Variants in PCDHGB2 observed in about 807,000 individuals in gnomAD.
PCDHGB2 encodes the protein protocadherin gamma-B2.
PCDHGB2 carries 55 observed loss-of-function variants against 59.3 expected under a neutral mutation model. That is an observed-to-expected ratio of 0.93 (90% CI 0.75 to 1.16). PCDHGB2 has a LOEUF of 1.16. Ranked by LOEUF, PCDHGB2 falls within the 50% of genes most tolerant of loss-of-function variation. The pLI is 0.00. For synonymous variants in PCDHGB2, 516 were observed against 512.0 expected, an observed-to-expected ratio of 1.01 and a Z score of -0.11; for missense variants, 1,228 against 1,198.5, an observed-to-expected ratio of 1.02 and a Z score of -0.36.
intron 1 of PCDHGB2, chr5:141,374,138 C>G: frequency 6.2e-7 from 1 of 1,608,824 alleles, no homozygotes; most frequent in Non-Finnish European, 8.5e-7. Context: ...GCTCCTCACG[C>G]TCCTGGGGAC....
intron 1 of PCDHGB2, chr5:141,478,265 G>A: frequency 6.2e-7 from 1 of 1,614,196 alleles, no homozygotes; most frequent in African/African-American, 1.3e-5. Context: ...CATATTCAAA[G>A]TTTACAAGTG....
chr5:141,405,459 A>T, intron 1 of PCDHGB2: 2 of 1,229,452 alleles, frequency 1.6e-6, no homozygotes, highest in Non-Finnish European at 2.3e-6. Flanking sequence ...TTACTCTGTT[A>T]CCCAGGCTGG....
At chr5:141,366,782 G>T in intron 1 of PCDHGB2, 4 of 1,580,298 alleles carry the variant, frequency 2.5e-6, no homozygotes, top group South Asian at 1.2e-5. Flanking sequence ...AGGATGACCA[G>T]AACATTTTCA....
intron 1 of PCDHGB2, chr5:141,366,694 C>T: frequency 1.2e-6 from 2 of 1,614,214 alleles, no homozygotes; most frequent in Non-Finnish European, 1.7e-6. Flanking sequence ...GTGAGAAAAG[C>T]GAGCCTCTTC....
Position 141,361,940 on chromosome 5 carries a change from C to T in PCDHGB2, c.1805C>T (p.Ala602Val), listed in dbSNP as rs1561525180. 1.2e-6 allele frequency: 2 copies of T among 1,605,414 alleles called. No individual in the cohort carries two copies. Among genetic ancestry groups the T allele is most frequent in the Non-Finnish European group, 1.7e-6 (2 of 1,178,092 alleles). The change falls in exon 1 of 4, where the codon GCT (alanine) becomes GTT (valine). Residue 602 changes from alanine (A) to valine (V), a missense_variant. Physicochemically the swap from Ala to Val is moderately conservative, Grantham distance 64. Around this residue, in one of 3 missense-constraint regions of PCDHGB2, gnomAD observed 433 missense variants for 441.8 expected, o/e 0.98. Coordinates refer to ENST00000522605, the MANE Select transcript of PCDHGB2 (RefSeq NM_018923.3). ...VAVDADSGHN[A>V]WLSYHVLQAS... The stretch of plus-strand genomic sequence containing the variant: ...GTGGACGCAGACTCAGGACACAACG[C>T]TTGGCTGTCCTACCACGTGCTGCAG...
chr5:141,476,382 A>G lies in PCDHGB2; in HGVS notation c.2422-18425A>G, dbSNP rs777831089. ...CGGGAGACCGGAGAGATGTTTGTGA[A>G]CGACCGTCTGGATCGAGAGGAGCTG... On this transcript the variant is annotated intron_variant, in intron 1 of 3. Transcript: ENST00000522605. This position sits in a 1 kb window ranked among gnomAD's most constrained non-coding sequence, Gnocchi z 7.6. 3.7e-6 allele frequency: 6 copies of G among 1,613,866 alleles called. No individual in the cohort carries two copies. The East Asian group carries it at 1.3e-4, about 36-fold the overall frequency.
rs1348847945 is a variant in PCDHGB2, at chr5:141,493,426, C to G, written c.2422-1381C>G. ...TGCCTCTGCTGGGATTTTGCTTCTG[C>G]TGGGATGGGGCAAGGGTGGGGTTCC... On this transcript the variant is annotated intron_variant, in intron 1 of 3. Transcript: ENST00000522605. The surrounding 1 kb of genome is among the most constrained non-coding windows in gnomAD (Gnocchi z 4.3). Among the ~76,000 whole-genome samples, 2 of 152,144 alleles carry G rather than the reference C, an allele frequency of 1.3e-5. No homozygotes were observed. The highest frequency in any genetic ancestry group is 4.8e-5 in the African/African-American group (2 of 41,424).
intron 1 of PCDHGB2, chr5:141,419,265 C>G: frequency 6.2e-7 from 1 of 1,614,040 alleles, no homozygotes; most frequent in Non-Finnish European, 8.5e-7. Context: ...CAGCCGGGTG[C>G]CTCCATAGCG....
At chr5:141,481,592 C>T (rs765060653) in intron 1 of PCDHGB2, among the ~76,000 whole-genome samples, 2 of 152,112 alleles carry the variant, frequency 1.3e-5, no homozygotes, top group East Asian at 1.9e-4. Context: ...CTGAGGCCAG[C>T]GGATCACCTG....
At chr5:141,427,880 C>G in intron 1 of PCDHGB2, 5 of 1,563,170 alleles carry the variant, frequency 3.2e-6, no homozygotes, top group Non-Finnish European at 3.5e-6. Context: ...CGATGCAGGC[C>G]CACGACCAGG....
Position 141,477,209 on chromosome 5 carries a change from G to A in PCDHGB2, c.2422-17598G>A. ...CGTGTACAGCCCAGTACCCGAGGAT[G>A]CCCCTCTGGGGACTGTCATCGCTTT... is the stretch of plus-strand genomic sequence containing the variant. On this transcript the variant is annotated intron_variant, in intron 1 of 3. Coordinates refer to ENST00000522605, the MANE Select transcript of PCDHGB2 (RefSeq NM_018923.3). This position sits in a 1 kb window ranked among gnomAD's most constrained non-coding sequence, Gnocchi z 4.9. The A allele has an allele frequency of 6.2e-7, 1 of 1,614,194 alleles. No homozygotes were observed.
chr5:141,402,954 T>C, intron 1 of PCDHGB2: 3 of 1,601,320 alleles, frequency 1.9e-6, no homozygotes, highest in Non-Finnish European at 2.6e-6. Context: ...GAGGCAGCAA[T>C]GGCAGCTCCA....
chr5:141,360,775 G>A lies in PCDHGB2; in HGVS notation c.640G>A (p.Ala214Thr). 1.2e-6 allele frequency: 2 copies of A among 1,613,924 alleles called. 1 individual carries two copies. The highest frequency in any genetic ancestry group is 2.2e-5 in the South Asian group (2 of 91,086). The change falls in exon 1 of 4, where the codon GCT becomes ACT. Residue 214 changes from alanine to threonine, a missense_variant. By Grantham distance (58) the Ala-to-Thr change is moderately conservative. This residue lies in a region of PCDHGB2 where 781 missense variants were observed against 721.6 expected (regional missense o/e 1.08). Coordinates refer to ENST00000522605, the MANE Select transcript of PCDHGB2 (RefSeq NM_018923.3). ...EHSLHQLVLT[A>T]VDGGDPPQSG... is the part of the protein sequence containing the mutation. ...CAGTTTACATCAATTGGTCCTCACA[G>A]CTGTGGATGGCGGAGACCCACCTCA...
chr5:141,366,410 G>A, intron 1 of PCDHGB2: 1 of 1,614,204 alleles, frequency 6.2e-7, no homozygotes, highest in Non-Finnish European at 8.5e-7. Context: ...ACTCTATCTT[G>A]TGGTGGCAGT....
intron 1 of PCDHGB2, chr5:141,418,648 A>G (rs1387887578): frequency 1.2e-6 from 2 of 1,614,036 alleles, no homozygotes; most frequent in Non-Finnish European, 1.7e-6. Flanking sequence ...CCATCCTGAG[A>G]GTGAAGGCCA....
chr5:141,479,574 T>A (rs1291334449), intron 1 of PCDHGB2: 1 of 152,228 alleles, frequency 6.6e-6, no homozygotes, highest in South Asian at 2.1e-4. Context: ...GGATGACATC[T>A]GTGAATAGCC....
At chr5:141,401,076 G>T (rs1589429931) in intron 1 of PCDHGB2, among the ~76,000 whole-genome samples, 1 of 152,174 alleles carries the variant, frequency 6.6e-6, no homozygotes, top group Non-Finnish European at 1.5e-5. Context: ...GGGTGCAGTG[G>T]CTCATGCCTG....
chr5:141,478,418 C>T, intron 1 of PCDHGB2: 1 of 1,613,650 alleles, frequency 6.2e-7, no homozygotes, highest in Non-Finnish European at 8.5e-7. Context: ...GGACTCCCGC[C>T]GCAGCGACCC....
Position 141,466,657 on chromosome 5 carries a change from C to T in PCDHGB2, c.2422-28150C>T, listed in dbSNP as rs143657719. Among the ~76,000 whole-genome samples the T allele has an allele frequency of 1.4e-3, 211 of 152,280 alleles. 1 individual carries two copies. The highest frequency in any genetic ancestry group is 4.7e-3 in the African/African-American group (197 of 41,542). On this transcript the variant is annotated intron_variant, in intron 1 of 3. Transcript: ENST00000522605. ...TCTCCATAAACTTTTCACAAAACAT[C>T]AGTGATTTCACCGTTCTTCCACTCA...
Sources: gnomAD v4.1 joint callset for allele counts (sites outside exome capture counted in the v4.1 genomes callset) on GRCh38, gnomAD v4.1.1 for gene constraint, gnomAD v4.1.1 regional missense constraint, Gnocchi (gnomAD v3.1) non-coding constraint, MANE v1.5 for transcripts, NCBI Gene and HGNC (gene_info 2026-07-23, HGNC 2026-07-21) for gene names.